Variants in CACNA1A observed in about 807,000 individuals in gnomAD.
CACNA1A encodes calcium voltage-gated channel subunit alpha1 A, also known as voltage-dependent P/Q-type calcium channel subunit alpha-1A.
In CACNA1A, 57 loss-of-function variants were observed where a neutral mutation model predicts 262.4. The observed-to-expected ratio is 0.22, with a 90% confidence interval of 0.18 to 0.27. The LOEUF (loss-of-function observed/expected upper bound fraction) is 0.27. Among genes scored for constraint, CACNA1A ranks in the 10% least tolerant of loss-of-function variants. The probability of loss-of-function intolerance (pLI) is 1.00; values close to 1 mark genes in which losing one functional copy is unlikely to be tolerated. For missense variants in CACNA1A, 2,526 were observed against 3,562.8 expected (o/e 0.71, Z 7.41); for synonymous variants, 1,431 against 1,419.3 (o/e 1.01, Z -0.18).
At chr19:13,448,755 C>T (rs904775608) in intron 3 of CACNA1A, among the ~76,000 whole-genome samples, 5 of 152,064 alleles carry the variant, frequency 3.3e-5, no homozygotes, top group African/African-American at 1.2e-4. Context: ...CAAAATAGCC[C>T]AAAGCTGGAA....
rs1331671888 is a variant in CACNA1A, at chr19:13,250,487, C to A, written c.4866+2504G>T. On this transcript the variant is annotated intron_variant, in intron 30 of 46. Transcript: ENST00000360228. Reference sequence around the variant, plus strand: ...TCTCGGCTCACTGCAACCTCCGCCTCCCACGTTCAAATGATTCTCCTGCCT... The same window carrying A: ...TCTCGGCTCACTGCAACCTCCGCCTACCACGTTCAAATGATTCTCCTGCCT... 2.0e-5 allele frequency among the ~76,000 whole-genome samples: 3 copies of A among 152,270 alleles called. No individual in the cohort carries two copies. In the East Asian group the frequency reaches 5.8e-4, roughly 29 times the overall value.
chr19:13,434,069 G>A (rs1345421281), intron 3 of CACNA1A, among the ~76,000 whole-genome samples: 3 of 152,224 alleles, frequency 2.0e-5, no homozygotes, highest in Non-Finnish European at 4.4e-5. Context: ...GTAAAATGGG[G>A]AGATTGAGAG....
At chr19:13,320,916 A>G (rs1449938694) in intron 10 of CACNA1A, among the ~76,000 whole-genome samples, 2 of 152,114 alleles carry the variant, frequency 1.3e-5, no homozygotes, top group African/African-American at 4.8e-5. Context: ...TTTTGTACTA[A>G]GTATTCCCAG....
intron 10 of CACNA1A, among the ~76,000 whole-genome samples, chr19:13,327,695 C>A (rs2058388206): frequency 6.6e-6 from 1 of 151,632 alleles, no homozygotes; most frequent in Admixed American, 6.6e-5. Flanking sequence ...GCCTCAGCCT[C>A]CTGAGTAGCT....
chr19:13,400,337 T>C (rs1245775042), intron 3 of CACNA1A, among the ~76,000 whole-genome samples: 1 of 152,212 alleles, frequency 6.6e-6, no homozygotes, highest in Non-Finnish European at 1.5e-5. Flanking sequence ...TATTTTCAAA[T>C]TATGAGCAGG....
At chr19:13,303,384 G>T (rs368286875) in intron 17 of CACNA1A, among the ~76,000 whole-genome samples, 162 bp downstream of exon 17, 4 of 152,158 alleles carry the variant, frequency 2.6e-5, no homozygotes, top group Admixed American at 6.5e-5. Context: ...TTCTGGGAGT[G>T]GGGGGAGAGG....
chr19:13,274,457 C>G (rs898284510), intron 24 of CACNA1A: 1 of 152,212 alleles, frequency 6.6e-6, no homozygotes, highest in Admixed American at 6.5e-5. Context: ...CAGGAGGAAG[C>G]CCCTGATTCT....
rs1311948903 is a variant in CACNA1A, at chr19:13,300,651, C to T, written c.2178G>A (p.Glu726=). The T allele has an allele frequency of 1.2e-6, 2 of 1,613,358 alleles. No individual in the cohort carries two copies. Among genetic ancestry groups the T allele is most frequent in the Non-Finnish European group, 1.7e-6 (2 of 1,179,472 alleles). Residue 726 remains glutamate (E), a synonymous_variant, in exon 18 of 47, where the codon GAG becomes GAA. Transcript: ENST00000360228. ...GGTTCGCTGCTTCTTCTTCCTCTTGCTCGTCCTAAAAGGCACGTGGAATCT... is the reference window on the plus strand; with the variant it reads ...GGTTCGCTGCTTCTTCTTCCTCTTGTTCGTCCTAAAAGGCACGTGGAATCT... ...LANAQELTKD[E]QEEEEAANQK... is the part of the protein sequence containing the mutation.
chr19:13,286,709 G>A lies in CACNA1A; in HGVS notation c.3347C>T (p.Pro1116Leu), dbSNP rs760744104. 89 of 1,591,972 alleles carry A rather than the reference G, an allele frequency of 5.6e-5. No individual in the cohort carries two copies. In the East Asian group the frequency reaches 2.0e-3, roughly 35 times the overall value. ...CGTCCGGCGGCTGGCGGCGTTCTGG[G>A]GGTTGGTGGCCATGGCAGGGATGGC... Reference protein sequence around the residue: ...MLAIPAMATNPQNAASRRTPN... With the variant: ...MLAIPAMATNLQNAASRRTPN... Residue 1116 changes from proline to leucine, a missense_variant, in exon 20 of 47, where the codon CCC becomes CTC. Physicochemically the swap from Pro to Leu is moderately conservative, Grantham distance 98. Around this residue, in one of 17 missense-constraint regions of CACNA1A, gnomAD observed 765 missense variants for 748.6 expected, o/e 1.02. Coordinates refer to ENST00000360228, the MANE Select transcript of CACNA1A (RefSeq NM_001127222.2).
At chr19:13,210,917 A>C in intron 43 of CACNA1A, 1 of 553,074 alleles carries the variant, frequency 1.8e-6, no homozygotes, top group African/African-American at 1.9e-5. Context: ...CAGACAGACA[A>C]ATGGCAGAGG....
chr19:13,467,351 C>T (rs959279060), intron 1 of CACNA1A, among the ~76,000 whole-genome samples: 7 of 151,958 alleles, frequency 4.6e-5, no homozygotes, highest in African/African-American at 1.7e-4. Context: ...CATGGTGGCT[C>T]ACACCTGTAA....
intron 3 of CACNA1A, chr19:13,452,668 T>C (rs977983855): frequency 6.2e-6 from 3 of 483,614 alleles, no homozygotes; most frequent in African/African-American, 5.8e-5. Context: ...AATAATGAGC[T>C]ATTATTTTAA....
Position 13,207,522 on chromosome 19 carries a change from G to T in CACNA1A, c.7312C>A (p.Pro2438Thr), listed in dbSNP as rs1301033376. Residue 2438 changes from proline (P) to threonine (T), a missense_variant, in exon 47 of 47, where the codon CCC becomes ACC. Physicochemically the swap from Pro to Thr is conservative, Grantham distance 38. Coordinates refer to ENST00000360228, the MANE Select transcript of CACNA1A (RefSeq NM_001127222.2). This position sits in a 1 kb window ranked among gnomAD's most constrained non-coding sequence, Gnocchi z 5.7. ...CCCGAGGACGCGTGTCGTACGGGGG[G>T]TGGCGCGTCGTAGGCCCCGGCCATG... ...EAMAGAYDAP[P>T]PVRHASSGAT... 1 of 1,436,484 alleles carries T rather than the reference G, an allele frequency of 7.0e-7. No homozygotes were observed. Among genetic ancestry groups the T allele is most frequent in the Non-Finnish European group, 9.1e-7 (1 of 1,097,058 alleles). The allele number at this position is 1,436,484 out of a possible 1,614,324, so 89.0% of individuals were successfully genotyped here. A position where few individuals can be genotyped will look rare whatever the true frequency, so the allele number is the denominator to read the frequency against.
intron 4 of CACNA1A, 58 bp from the exon 5 acceptor site, chr19:13,365,527 C>T (rs2059193955): frequency 6.7e-7 from 1 of 1,499,786 alleles, no homozygotes; most frequent in African/African-American, 1.4e-5. Context: ...CCAAACCCCG[C>T]CACCAAGACG....
rs1159601352 is a variant in CACNA1A, at chr19:13,214,323, G to A, written c.5850C>T (p.Leu1950=). 1 of 1,612,612 alleles carries A rather than the reference G, an allele frequency of 6.2e-7. No individual in the cohort carries two copies. Among genetic ancestry groups the A allele is most frequent in the South Asian group, 1.1e-5 (1 of 91,062 alleles). The change falls in exon 40 of 47, where the codon CTC becomes CTT. Residue 1950 remains leucine (L), a synonymous_variant. Coordinates refer to ENST00000360228, the MANE Select transcript of CACNA1A (RefSeq NM_001127222.2). The surrounding 1 kb of genome is among the most constrained non-coding windows in gnomAD (Gnocchi z 4.1). ...LLVTPHKSTD[L]TVGKIYAAMM... is the part of the protein sequence containing the mutation. ...TGGCTGCGTAGATCTTCCCCACGGT[G>A]AGGTCCGTGGCTGGGGGCACACACA...
At chr19:13,305,695 C>T (rs1380467227) in intron 15 of CACNA1A, among the ~76,000 whole-genome samples, 2 of 152,148 alleles carry the variant, frequency 1.3e-5, no homozygotes, top group African/African-American at 4.8e-5. Flanking sequence ...GCTACATGTC[C>T]TTGGAGGACA....
At chr19:13,380,591 A>G (rs1164778985) in intron 3 of CACNA1A, among the ~76,000 whole-genome samples, 1 of 126,234 alleles carries the variant, frequency 7.9e-6, no homozygotes, top group Admixed American at 9.6e-5. Context: ...GGTTGCAGTG[A>G]GCCAAGATCA....
chr19:13,483,897 G>C (rs911460428), intron 1 of CACNA1A, among the ~76,000 whole-genome samples: 1 of 152,168 alleles, frequency 6.6e-6, no homozygotes, highest in Non-Finnish European at 1.5e-5. Flanking sequence ...CCATGTGTCA[G>C]GCCCACTGAC....
At chr19:13,249,760 G>A (rs940395035) in intron 30 of CACNA1A, among the ~76,000 whole-genome samples, 1 of 152,174 alleles carries the variant, frequency 6.6e-6, no homozygotes, top group African/African-American at 2.4e-5. Context: ...GGTGGAGGGG[G>A]AGGATGGCTC....
Sources: gnomAD v4.1 joint callset for allele counts (sites outside exome capture counted in the v4.1 genomes callset) on GRCh38, gnomAD v4.1.1 for gene constraint, gnomAD v4.1.1 regional missense constraint, Gnocchi (gnomAD v3.1) non-coding constraint, MANE v1.5 for transcripts, NCBI Gene and HGNC (gene_info 2026-07-23, HGNC 2026-07-21) for gene names.